Variants in MACROD2 observed in about 807,000 individuals in gnomAD.
MACROD2 encodes the protein mono-ADP ribosylhydrolase 2, also known as ADP-ribose glycohydrolase MACROD2.
A neutral mutation model predicts 70.4 loss-of-function variants in MACROD2; 36 were observed. That is an observed-to-expected ratio of 0.51 (90% CI 0.39 to 0.68). MACROD2 has a LOEUF of 0.68. Ranked by LOEUF, MACROD2 falls within the 30% of genes least tolerant of loss-of-function variation. The probability of loss-of-function intolerance (pLI) is 0.00; values close to 1 mark genes in which losing one functional copy is unlikely to be tolerated. For missense variants in MACROD2, 496 were observed against 538.4 expected, an observed-to-expected ratio of 0.92 and a Z score of 0.78; for synonymous variants, 172 against 178.8, an observed-to-expected ratio of 0.96 and a Z score of 0.30.
intron 3 of MACROD2, among the ~76,000 whole-genome samples, chr20:14,334,104 A>C: frequency 6.6e-6 from 1 of 152,328 alleles, no homozygotes; most frequent in African/African-American, 2.4e-5. Flanking sequence ...CATATGCAAA[A>C]CAAATGAAAT....
In MACROD2 at chr20:15,684,702, C is replaced by T. The variant is rs140630851; in HGVS notation, c.646-178043C>T. On this transcript the variant is annotated intron_variant, in intron 8 of 17. Transcript: ENST00000684519. Reference sequence around the variant, plus strand: ...TCCATGGGTTGTTAAGTTTCTTTTCCGTGTGGTAAGTGGGAAAACATATGC... The same window carrying T: ...TCCATGGGTTGTTAAGTTTCTTTTCTGTGTGGTAAGTGGGAAAACATATGC... Among the ~76,000 whole-genome samples the T allele has an allele frequency of 2.0e-4, 31 of 152,096 alleles. 2 individuals carry two copies. The highest frequency in any genetic ancestry group is 7.0e-4 in the African/African-American group (29 of 41,480).
intron 8 of MACROD2, among the ~76,000 whole-genome samples, chr20:15,595,256 T>C (rs1373634896): frequency 6.6e-6 from 1 of 152,218 alleles, no homozygotes; most frequent in East Asian, 1.9e-4. Flanking sequence ...ATGGTTAAGA[T>C]GGTAAATTTA....
chr20:15,247,576 G>T (rs1298210594), intron 6 of MACROD2, among the ~76,000 whole-genome samples: 2 of 152,206 alleles, frequency 1.3e-5, no homozygotes, highest in Non-Finnish European at 2.9e-5. Flanking sequence ...AATAGTGACT[G>T]TATAATAACT....
chr20:15,490,716 C>T (rs2072948565), intron 7 of MACROD2, among the ~76,000 whole-genome samples: 2 of 152,094 alleles, frequency 1.3e-5, no homozygotes, highest in African/African-American at 2.4e-5. Context: ...GGGGAGGCTA[C>T]GAAGGTCCCG....
At chr20:15,242,991 A>G (rs373500661) in intron 6 of MACROD2, among the ~76,000 whole-genome samples, 264 of 152,314 alleles carry the variant, frequency 1.7e-3, no homozygotes, top group South Asian at 0.017. Flanking sequence ...CCCTACTGGG[A>G]GCTCTAAAGC....
chr20:14,820,198 C>G (rs1446498163), intron 5 of MACROD2, among the ~76,000 whole-genome samples: 1 of 151,986 alleles, frequency 6.6e-6, no homozygotes, highest in South Asian at 2.1e-4. Flanking sequence ...GAAATAGCTT[C>G]TGAAGGCCTT....
intron 3 of MACROD2, among the ~76,000 whole-genome samples, chr20:14,440,384 G>T (rs1478617091): frequency 6.6e-6 from 1 of 151,680 alleles, no homozygotes; most frequent in African/African-American, 2.4e-5. Context: ...ATCAACTATT[G>T]TTAGTGTTAC....
At chr20:14,961,700 A>G (rs1311686852) in intron 5 of MACROD2, among the ~76,000 whole-genome samples, 1 of 152,106 alleles carries the variant, frequency 6.6e-6, no homozygotes, top group African/African-American at 2.4e-5. Flanking sequence ...TACAGGTGTG[A>G]GTCACTGCGC....
At chr20:14,073,602 G>C (rs576846935) in intron 2 of MACROD2, among the ~76,000 whole-genome samples, 10 of 152,236 alleles carry the variant, frequency 6.6e-5, no homozygotes, top group African/African-American at 2.4e-4. Flanking sequence ...AGCTTACAGA[G>C]TTTTAAAATA....
chr20:15,851,558 CG>C (rs1477482391), intron 8 of MACROD2, among the ~76,000 whole-genome samples: 1 of 152,094 alleles, frequency 6.6e-6, no homozygotes, highest in Non-Finnish European at 1.5e-5. Flanking sequence ...GGCCTATCCC[CG>C]TGACCTCATT....
At chr20:14,357,283 T>G (rs2122710074) in intron 3 of MACROD2, among the ~76,000 whole-genome samples, 1 of 152,322 alleles carries the variant, frequency 6.6e-6, no homozygotes, top group Non-Finnish European at 1.5e-5. Context: ...GCAATCTCAA[T>G]TCTGTGTATT....
At chr20:14,498,939 G>A (rs922735402) in intron 4 of MACROD2, among the ~76,000 whole-genome samples, 3 of 152,196 alleles carry the variant, frequency 2.0e-5, no homozygotes, top group Non-Finnish European at 2.9e-5. Context: ...CAGGCATGCT[G>A]GGAGGAATCT....
At chr20:15,598,680 T>A (rs1600649631) in intron 8 of MACROD2, among the ~76,000 whole-genome samples, 2 of 152,310 alleles carry the variant, frequency 1.3e-5, no homozygotes, top group African/African-American at 4.8e-5. Context: ...TCAAAGTGGG[T>A]GCCCTTCCTA....
chr20:14,437,939 C>T (rs112927477), intron 3 of MACROD2, among the ~76,000 whole-genome samples: 2,282 of 152,114 alleles, frequency 0.015, 52 homozygotes, highest in African/African-American at 0.051. Flanking sequence ...TACCCATTCC[C>T]CCTACAGTGA....
At chr20:14,399,021 ATTT>A (rs57218208) in intron 3 of MACROD2, among the ~76,000 whole-genome samples, 5 of 139,098 alleles carry the variant, frequency 3.6e-5, no homozygotes, top group Admixed American at 7.2e-5. Flanking sequence ...CTCAATGAGT[ATTT>A]TTTTTTTTTT....
intron 2 of MACROD2, among the ~76,000 whole-genome samples, chr20:14,012,088 G>A (rs911579261): frequency 2.0e-5 from 3 of 151,888 alleles, no homozygotes; most frequent in African/African-American, 7.3e-5. Flanking sequence ...TGTATTTTTA[G>A]TAGAGATGGG....
At chr20:15,436,815 C>A (rs770562517) in intron 7 of MACROD2, among the ~76,000 whole-genome samples, 1 of 152,160 alleles carries the variant, frequency 6.6e-6, no homozygotes, top group Admixed American at 6.6e-5. Context: ...CAACTCCCAA[C>A]ATTTTTGTAA....
intron 3 of MACROD2, among the ~76,000 whole-genome samples, chr20:14,167,204 T>C (rs1422972573): frequency 6.6e-6 from 1 of 152,160 alleles, no homozygotes; most frequent in Non-Finnish European, 1.5e-5. Context: ...GTAGCACTTA[T>C]ATAAGCCATT....
chr20:16,015,990 T>A (rs976062611), intron 15 of MACROD2, among the ~76,000 whole-genome samples: 2 of 152,130 alleles, frequency 1.3e-5, no homozygotes, highest in African/African-American at 2.4e-5. Context: ...GATTATCCTG[T>A]CCTGCCCATT....
Sources: allele counts gnomAD v4.1 joint callset (sites outside exome capture counted in the v4.1 genomes callset), GRCh38; gene constraint gnomAD v4.1.1; transcripts MANE v1.5; gene names NCBI Gene and HGNC (gene_info 2026-07-23, HGNC 2026-07-21).